The following FSIP1 variants were observed in gnomAD, a reference collection of about 807,000 sequenced individuals.
FSIP1 encodes the protein fibrous sheath-interacting protein 1.
A neutral mutation model predicts 60.9 loss-of-function variants in FSIP1; 65 were observed. That is an observed-to-expected ratio of 1.07 (90% CI 0.87 to 1.31). The LOEUF is 1.31. FSIP1 is among the 40% of genes most tolerant of loss of function. The probability of loss-of-function intolerance (pLI) is 0.00; values close to 1 mark genes in which losing one functional copy is unlikely to be tolerated. For missense variants in FSIP1, 675 were observed against 665.5 expected (o/e 1.01, Z -0.16); for synonymous variants, 209 against 221.2 (o/e 0.94, Z 0.49).
intron 8 of FSIP1, among the ~76,000 whole-genome samples, chr15:39,733,871 T>C (rs1460015809): frequency 6.6e-6 from 1 of 152,164 alleles, no homozygotes; most frequent in Non-Finnish European, 1.5e-5. Context: ...AGCTGCTCAC[T>C]CCTGGATTTC....
intron 11 of FSIP1, among the ~76,000 whole-genome samples, chr15:39,614,314 C>T (rs1468117469): frequency 1.3e-5 from 2 of 151,874 alleles, no homozygotes; most frequent in Non-Finnish European, 2.9e-5. Flanking sequence ...ATTAAGAAAA[C>T]AATCCCATTA....
chr15:39,645,416 G>A (rs975894590), intron 10 of FSIP1, among the ~76,000 whole-genome samples: 2 of 151,856 alleles, frequency 1.3e-5, no homozygotes, highest in Admixed American at 6.5e-5. Context: ...CAGGCCTCCT[G>A]CTCTAGTGAG....
intron 10 of FSIP1, among the ~76,000 whole-genome samples, chr15:39,690,926 C>G (rs1344553940): frequency 6.6e-6 from 1 of 152,222 alleles, no homozygotes; most frequent in African/African-American, 2.4e-5. Flanking sequence ...TCCCTTTGGG[C>G]CCCTTGGAGT....
At chr15:39,623,992 A>G (rs1314446182) in intron 10 of FSIP1, among the ~76,000 whole-genome samples, 3 of 152,176 alleles carry the variant, frequency 2.0e-5, no homozygotes, top group Non-Finnish European at 4.4e-5. Context: ...TATGTCCTTT[A>G]GCTCTCTATA....
intron 10 of FSIP1, among the ~76,000 whole-genome samples, chr15:39,680,421 CAGTCACTTAACTCA>C (rs1894114730): frequency 6.6e-6 from 1 of 152,186 alleles, no homozygotes; most frequent in Non-Finnish European, 1.5e-5. Context: ...GTTGCCCATA[CAGTCACTTAACTCA>C]AGACTCATTT....
At chr15:39,644,316 T>G (rs763613590) in intron 10 of FSIP1, among the ~76,000 whole-genome samples, 5 of 152,166 alleles carry the variant, frequency 3.3e-5, no homozygotes, top group Non-Finnish European at 5.9e-5. Context: ...TCAATTAGGC[T>G]TGAGCATTTA....
intron 3 of FSIP1, among the ~76,000 whole-genome samples, chr15:39,768,504 T>A (rs868456706): frequency 2.6e-5 from 4 of 152,216 alleles, no homozygotes; most frequent in Non-Finnish European, 4.4e-5. Context: ...TTATAACAAA[T>A]AACTATATTC....
chr15:39,638,538 G>A (rs1566863345), intron 10 of FSIP1, among the ~76,000 whole-genome samples: 1 of 152,274 alleles, frequency 6.6e-6, no homozygotes, highest in East Asian at 1.9e-4. Flanking sequence ...ATCTTAAGCA[G>A]GTATGTAGTC....
chr15:39,737,403 G>A (rs114381460), intron 8 of FSIP1, among the ~76,000 whole-genome samples: 15 of 152,050 alleles, frequency 9.9e-5, no homozygotes, highest in Admixed American at 5.2e-4. Flanking sequence ...GGAACAGGAC[G>A]GAATTCTTTA....
At chr15:39,746,999 G>GCTTCCCTC (rs34636012) in intron 5 of FSIP1, among the ~76,000 whole-genome samples, 34,967 of 134,224 alleles carry the variant, frequency 0.26, 4,845 homozygotes, top group Non-Finnish European at 0.33. Context: ...TCCTGTTTGG[G>GCTTCCCTC]CTTCCCTCCT....
chr15:39,665,673 A>G (rs1034746876), intron 10 of FSIP1, among the ~76,000 whole-genome samples: 5 of 152,204 alleles, frequency 3.3e-5, no homozygotes, highest in Non-Finnish European at 4.4e-5. Context: ...ATAGATTTCA[A>G]GATTTTTATT....
At chr15:39,776,895 T>C (rs1898082826) in intron 1 of FSIP1, among the ~76,000 whole-genome samples, 1 of 152,100 alleles carries the variant, frequency 6.6e-6, no homozygotes. Flanking sequence ...AAGATCCACT[T>C]CATCTTAATG....
At chr15:39,745,145 C>A (rs909155057) in intron 5 of FSIP1, among the ~76,000 whole-genome samples, 6 of 145,300 alleles carry the variant, frequency 4.1e-5, no homozygotes, top group Non-Finnish European at 3.0e-5. Flanking sequence ...AGCGTCCTCC[C>A]GAACCCAGAC....
At chr15:39,694,436 C>A (rs138647588) in intron 10 of FSIP1, among the ~76,000 whole-genome samples, 2 of 152,154 alleles carry the variant, frequency 1.3e-5, no homozygotes, top group African/African-American at 4.8e-5. Context: ...AAATTATATA[C>A]ACAAAATCCT....
chr15:39,772,900 T>C (rs1207974984), intron 2 of FSIP1, among the ~76,000 whole-genome samples: 1 of 152,142 alleles, frequency 6.6e-6, no homozygotes, highest in African/African-American at 2.4e-5. Context: ...CCCACCTCCA[T>C]TTTTCATGGC....
At chr15:39,608,418 T>C (rs1286870975) in intron 11 of FSIP1, among the ~76,000 whole-genome samples, 1 of 152,212 alleles carries the variant, frequency 6.6e-6, no homozygotes, top group African/African-American at 2.4e-5. Context: ...AGCAAATTAC[T>C]TTTCTAAACC....
intron 11 of FSIP1, among the ~76,000 whole-genome samples, chr15:39,604,959 C>G (rs1890769293): frequency 6.6e-6 from 1 of 152,108 alleles, no homozygotes; most frequent in South Asian, 2.1e-4. Context: ...ATCTAGTTCC[C>G]TTGAAACTGT....
At chr15:39,722,892 T>C (rs2140580912) in intron 9 of FSIP1, among the ~76,000 whole-genome samples, 1 of 152,066 alleles carries the variant, frequency 6.6e-6, no homozygotes, top group East Asian at 1.9e-4. Flanking sequence ...ATTGCACCAC[T>C]GTACTTCCAG....
chr15:39,633,323 C>T lies in FSIP1; in HGVS notation c.1189-15078G>A, dbSNP rs1474373106. On this transcript the variant is annotated intron_variant, in intron 10 of 11. Coordinates refer to ENST00000350221, the MANE Select transcript of FSIP1 (RefSeq NM_152597.5). ...CAGGATGGTCTCGATCTCCTCACCT[C>T]GCAATCTGCCTGCCTCTGCCTCCCA... 2.0e-5 allele frequency among the ~76,000 whole-genome samples: 3 copies of T among 152,144 alleles called. No homozygotes were observed. The East Asian group carries it at 5.8e-4, about 29-fold the overall frequency.
Sources: gnomAD v4.1 joint callset for allele counts (sites outside exome capture counted in the v4.1 genomes callset) on GRCh38, gnomAD v4.1.1 for gene constraint, MANE v1.5 for transcripts, NCBI Gene and HGNC (gene_info 2026-07-23, HGNC 2026-07-21) for gene names.